The following HS3ST5 variants were observed in gnomAD, a reference collection of about 807,000 sequenced individuals.
HS3ST5 encodes heparan sulfate-glucosamine 3-sulfotransferase 5, also known as heparan sulfate glucosamine 3-O-sulfotransferase 5.
Under a neutral mutation model 25.4 loss-of-function variants are expected in HS3ST5, and 10 were observed. The observed-to-expected ratio is 0.39, with a 90% CI of 0.24 to 0.67. The LOEUF (loss-of-function observed/expected upper bound fraction) is 0.67, where lower values mean the gene tolerates loss of function less well. Ranked by LOEUF, HS3ST5 falls within the 30% of genes least tolerant of loss-of-function variation. The pLI is 0.44. For missense variants in HS3ST5, 324 were observed against 420.7 expected, an observed-to-expected ratio of 0.77 and a Z score of 2.01; for synonymous variants, 170 against 162.4, an observed-to-expected ratio of 1.05 and a Z score of -0.36.
intron 1 of HS3ST5, among the ~76,000 whole-genome samples, chr6:114,261,496 A>C (rs1205627228): frequency 1.3e-5 from 2 of 152,160 alleles, no homozygotes; most frequent in African/African-American, 4.8e-5. Flanking sequence ...CTGAATATTA[A>C]AGAGAGTGGT....
At chr6:114,095,783 T>A (rs1029166) in intron 3 of HS3ST5, among the ~76,000 whole-genome samples, 64,112 of 151,890 alleles carry the variant, frequency 0.42, 14,328 homozygotes, top group Middle Eastern at 0.55. Context: ...TGGTTTATCT[T>A]ACAATATTTT....
At chr6:114,278,043 G>A (rs1773939539) in intron 1 of HS3ST5, among the ~76,000 whole-genome samples, 1 of 151,922 alleles carries the variant, frequency 6.6e-6, no homozygotes, top group African/African-American at 2.4e-5. Context: ...GAGGGGGCAG[G>A]TTAGTGGGAG....
rs947760912 is a variant in HS3ST5, at chr6:114,069,802, G to A, written c.-32-6925C>T. 4.9e-4 allele frequency among the ~76,000 whole-genome samples: 75 copies of A among 152,210 alleles called. 2 individuals are homozygous for A. The highest frequency in any genetic ancestry group is 3.9e-4 in the East Asian group (2 of 5,180). On this transcript the variant is annotated intron_variant, in intron 3 of 4. Transcript: ENST00000312719. ...CTCCCAAAGTTCTAGGATTACAGGCGTGAGTCACCACACCCGGCCCATGGG... is the reference window on the plus strand; with the variant it reads ...CTCCCAAAGTTCTAGGATTACAGGCATGAGTCACCACACCCGGCCCATGGG...
At chr6:114,199,545 T>C (rs1464390274) in intron 2 of HS3ST5, among the ~76,000 whole-genome samples, 2 of 151,862 alleles carry the variant, frequency 1.3e-5, no homozygotes, top group Non-Finnish European at 2.9e-5. Context: ...GTTTATCTTA[T>C]TTTACAACCA....
intron 2 of HS3ST5, among the ~76,000 whole-genome samples, chr6:114,213,633 T>C (rs1050512736): frequency 5.3e-5 from 8 of 152,176 alleles, no homozygotes; most frequent in Non-Finnish European, 1.2e-4. Flanking sequence ...CCTGTATACC[T>C]GTCCCCAGGT....
In HS3ST5 at chr6:114,291,157, C is replaced by T. The variant is rs186527160; in HGVS notation, c.-339+51038G>A. ...GTCTCATCACAGTTGGGTTCAGTCC[C>T]GCTTGCCCAGCCACTTAGTACAACT... On this transcript the variant is annotated intron_variant, in intron 1 of 4. Transcript: ENST00000312719. Among the ~76,000 whole-genome samples the T allele has an allele frequency of 2.6e-4, 39 of 152,112 alleles. No individual in the cohort carries two copies. In the East Asian group the frequency reaches 6.0e-3, roughly 23 times the overall value.
chr6:114,078,471 A>G (rs919727083), intron 3 of HS3ST5, among the ~76,000 whole-genome samples: 3 of 152,212 alleles, frequency 2.0e-5, no homozygotes, highest in African/African-American at 4.8e-5. Context: ...TGCTGGGATT[A>G]CAGGCGTGAG....
chr6:114,062,469 T>C (rs1773183843), intron 4 of HS3ST5, among the ~76,000 whole-genome samples: 1 of 152,192 alleles, frequency 6.6e-6, no homozygotes, highest in African/African-American at 2.4e-5. Flanking sequence ...TTAAATGACA[T>C]TTTTACTGTA....
intron 3 of HS3ST5, among the ~76,000 whole-genome samples, chr6:114,159,370 A>C (rs2114978365): frequency 6.6e-6 from 1 of 152,308 alleles, no homozygotes; most frequent in African/African-American, 2.4e-5. Context: ...TGGGTAAGTA[A>C]AATATATTTA....
chr6:114,295,648 T>C (rs1036728231), intron 1 of HS3ST5, among the ~76,000 whole-genome samples: 1 of 152,310 alleles, frequency 6.6e-6, no homozygotes. Context: ...ACGTGGAGAA[T>C]AACTGTGTAA....
chr6:114,308,448 G>T (rs1051932184), intron 1 of HS3ST5, among the ~76,000 whole-genome samples: 1 of 152,018 alleles, frequency 6.6e-6, no homozygotes. Flanking sequence ...TTAGCCGGGC[G>T]TGGTGGCAGG....
At chr6:114,066,537 G>T (rs999727838) in intron 3 of HS3ST5, among the ~76,000 whole-genome samples, 3 of 152,182 alleles carry the variant, frequency 2.0e-5, no homozygotes, top group Admixed American at 6.5e-5. Context: ...GGAGGCTGAG[G>T]TGGGAGAATC....
chr6:114,239,781 C>T (rs1442885087), intron 1 of HS3ST5, among the ~76,000 whole-genome samples: 2 of 152,066 alleles, frequency 1.3e-5, no homozygotes, highest in African/African-American at 4.8e-5. Context: ...TTTGGAGGGG[C>T]TTAATATCCA....
rs569728914 is a variant in HS3ST5 at position 114,241,885 on chromosome 6, A to G, written c.-338-13107T>C. 1.6e-4 allele frequency among the ~76,000 whole-genome samples: 25 copies of G among 152,322 alleles called. No individual in the cohort carries two copies. In the Middle Eastern group the frequency reaches 0.014, roughly 83 times the overall value. On this transcript the variant is annotated intron_variant, in intron 1 of 4. Coordinates refer to ENST00000312719, the MANE Select transcript of HS3ST5 (RefSeq NM_153612.4). ...ATTAAGATGTGAACTTCTCAGAAAG[A>G]TATATAATGACTATGCAATTTAAAT...
chr6:114,318,715 T>C lies in HS3ST5; in HGVS notation c.-339+23480A>G, dbSNP rs140610103. Among the ~76,000 whole-genome samples the C allele has an allele frequency of 1.5e-3, 224 of 152,310 alleles. 1 individual carries two copies. Among genetic ancestry groups the C allele is most frequent in the African/African-American group, 5.2e-3 (217 of 41,574 alleles). Reference sequence around the variant, plus strand: ...AGCAGACTTGGGTTCAAATGCCCACTTGACCTCTCACTACCTACAAGATCA... The same window carrying C: ...AGCAGACTTGGGTTCAAATGCCCACCTGACCTCTCACTACCTACAAGATCA... On this transcript the variant is annotated intron_variant, in intron 1 of 4. Transcript: ENST00000312719.
At chr6:114,324,069 G>A (rs1244251262) in intron 1 of HS3ST5, among the ~76,000 whole-genome samples, 2 of 152,136 alleles carry the variant, frequency 1.3e-5, no homozygotes, top group African/African-American at 4.8e-5. Context: ...GGAGGAAGGT[G>A]AAGGTAAATA....
intron 1 of HS3ST5, among the ~76,000 whole-genome samples, chr6:114,319,567 T>C (rs1775880737): frequency 6.6e-6 from 1 of 152,140 alleles, no homozygotes; most frequent in Admixed American, 6.6e-5. Flanking sequence ...ATATCATAAG[T>C]AGCACAGGTG....
intron 3 of HS3ST5, among the ~76,000 whole-genome samples, chr6:114,070,286 A>G (rs1379974569): frequency 6.6e-6 from 1 of 152,104 alleles, no homozygotes; most frequent in African/African-American, 2.4e-5. Context: ...GATGAAAAAA[A>G]AAAAAAAAGA....
chr6:114,326,107 T>G (rs1206304541), intron 1 of HS3ST5, among the ~76,000 whole-genome samples: 1 of 151,608 alleles, frequency 6.6e-6, no homozygotes, highest in Admixed American at 6.6e-5. Context: ...ATTAAAAAAG[T>G]AGGCCCACTG....
Sources: allele counts gnomAD v4.1 joint callset (sites outside exome capture counted in the v4.1 genomes callset), GRCh38; gene constraint gnomAD v4.1.1; transcripts MANE v1.5; gene names NCBI Gene and HGNC (gene_info 2026-07-23, HGNC 2026-07-21).